The following ADAM12 variants were observed in gnomAD, a reference collection of about 807,000 sequenced individuals.
The protein encoded by ADAM12 is ADAM metallopeptidase domain 12.
A neutral mutation model predicts 106.4 loss-of-function variants in ADAM12; 70 were observed. The observed-to-expected ratio is 0.66, with a 90% confidence interval of 0.54 to 0.80. The LOEUF (loss-of-function observed/expected upper bound fraction) is 0.80. Among genes scored for constraint, ADAM12 ranks in the 30% least tolerant of loss-of-function variants. The pLI is 0.00. For synonymous variants in ADAM12, 420 were observed against 433.5 expected, an observed-to-expected ratio of 0.97 and a Z score of 0.39; for missense variants, 1,010 against 1,171.9, an observed-to-expected ratio of 0.86 and a Z score of 2.02.
At chr10:126,081,380 GA>G (rs71029281) in intron 11 of ADAM12, among the ~76,000 whole-genome samples, 80,756 of 151,948 alleles carry the variant, frequency 0.53, 23,244 homozygotes, top group African/African-American at 0.73. Flanking sequence ...CTGATTGGGG[GA>G]AAAAAACAAA....
intron 5 of ADAM12, among the ~76,000 whole-genome samples, chr10:126,123,636 A>G (rs975027431): frequency 1.3e-5 from 2 of 152,134 alleles, no homozygotes; most frequent in African/African-American, 4.8e-5. Flanking sequence ...CCATGGCTGC[A>G]GCTCCCGCCA....
chr10:126,093,017 G>A (rs568454144), intron 11 of ADAM12, among the ~76,000 whole-genome samples: 5 of 152,324 alleles, frequency 3.3e-5, no homozygotes, highest in Admixed American at 6.5e-5. Context: ...CCCCTGGCCA[G>A]CAAGTCTTCA....
intron 11 of ADAM12, among the ~76,000 whole-genome samples, chr10:126,086,902 G>GT (rs1955368516): frequency 6.6e-6 from 1 of 150,576 alleles, no homozygotes; most frequent in Non-Finnish European, 1.5e-5. Flanking sequence ...GTTTGGTAGT[G>GT]TGCACCTGTA....
rs1049435373 is a variant in ADAM12 at position 126,100,172 on chromosome 10, C to T, written c.911+900G>A. On this transcript the variant is annotated intron_variant, in intron 9 of 22. Transcript: ENST00000448723. ...TGTTGGTCACCACTGTGTTCAAAGC[C>T]CCCCAAACACTCTTTGGTTCCTAAC... Among the ~76,000 whole-genome samples the T allele has an allele frequency of 5.9e-5, 9 of 152,088 alleles. No homozygotes were observed. In the East Asian group the frequency reaches 1.4e-3, roughly 23 times the overall value.
chr10:126,230,563 A>G (rs1958291541), intron 3 of ADAM12, among the ~76,000 whole-genome samples: 1 of 152,178 alleles, frequency 6.6e-6, no homozygotes, highest in African/African-American at 2.4e-5. Flanking sequence ...TCAACACCGA[A>G]TTGTAGTTTT....
intron 3 of ADAM12, among the ~76,000 whole-genome samples, chr10:126,237,959 TA>T: frequency 1.3e-5 from 2 of 152,286 alleles, no homozygotes; most frequent in South Asian, 4.1e-4. Flanking sequence ...TTGTTGAATT[TA>T]GGGATGAATG....
chr10:126,201,801 C>T (rs190618726), intron 3 of ADAM12, among the ~76,000 whole-genome samples: 80 of 152,238 alleles, frequency 5.3e-4, no homozygotes, highest in Non-Finnish European at 1.3e-4. Flanking sequence ...CCCAGAGAAC[C>T]GAGGTGCTCC....
chr10:126,030,656 G>A (rs925261189), intron 21 of ADAM12, among the ~76,000 whole-genome samples: 2 of 152,202 alleles, frequency 1.3e-5, no homozygotes, highest in Non-Finnish European at 2.9e-5. Flanking sequence ...GTTCTGAGAA[G>A]TTCCCTTCAG....
chr10:126,036,416 T>C (rs1358335339), intron 20 of ADAM12, 91 bp from the exon 21 acceptor site: 11 of 1,318,536 alleles, frequency 8.3e-6, no homozygotes, highest in Admixed American at 2.8e-5. Context: ...TCATCTGTTA[T>C]AGCTGAAGGC....
chr10:126,168,701 T>C (rs940383250), intron 3 of ADAM12, among the ~76,000 whole-genome samples: 3 of 152,166 alleles, frequency 2.0e-5, no homozygotes, highest in Non-Finnish European at 4.4e-5. Context: ...ACGGATCATG[T>C]CACTTCTCCA....
rs374442956 is a variant in ADAM12, at chr10:126,095,294, C to CT, written c.997-1162_997-1161insA. On this transcript the variant is annotated intron_variant, in intron 10 of 22. Coordinates refer to ENST00000448723, the MANE Select transcript of ADAM12 (RefSeq NM_001288973.2). ...TCACGCCTGTAATCCCAGCACTTTG[C>CT]GAGGCTGAGGCAGGGGGATCATGAG... Among the ~76,000 whole-genome samples the CT allele has an allele frequency of 9.1e-3, 1,380 of 151,928 alleles. 27 individuals carry two copies. The highest frequency in any genetic ancestry group is 0.032 in the African/African-American group (1,337 of 41,466).
At chr10:126,071,734 ACC>A in intron 11 of ADAM12, 80 bp from the exon 12 acceptor site, 1 of 1,507,904 alleles carries the variant, frequency 6.6e-7, no homozygotes, top group Non-Finnish European at 9.1e-7. Context: ...ACAAGAAGGC[ACC>A]CACTGGCCAC....
intron 3 of ADAM12, among the ~76,000 whole-genome samples, chr10:126,264,381 A>G (rs1375469372): frequency 6.6e-6 from 1 of 152,186 alleles, no homozygotes; most frequent in Non-Finnish European, 1.5e-5. Context: ...TTTCTAAATA[A>G]ATCGTCTCCC....
intron 14 of ADAM12, among the ~76,000 whole-genome samples, chr10:126,061,037 T>A (rs1954745220): frequency 6.6e-6 from 1 of 152,234 alleles, no homozygotes; most frequent in Admixed American, 6.5e-5. Context: ...CTGTTCTGTA[T>A]ACTGGAAATA....
chr10:126,165,478 G>A (rs191070458), intron 3 of ADAM12, among the ~76,000 whole-genome samples: 2 of 152,184 alleles, frequency 1.3e-5, no homozygotes, highest in Non-Finnish European at 2.9e-5. Context: ...CTTTTGATAC[G>A]CACTTCCTTA....
rs527471339 is a variant in ADAM12 at position 126,063,058 on chromosome 10, G to A, written c.1609+1748C>T. ...CAACAGGGTGTCCCCCACTGCTCCT[G>A]CCCCCTGCTTTGCCCAGGGTGCCCC... On this transcript the variant is annotated intron_variant, in intron 14 of 22. Transcript: ENST00000448723. 3.9e-5 allele frequency among the ~76,000 whole-genome samples: 6 copies of A among 152,326 alleles called. No individual in the cohort carries two copies. In the South Asian group the frequency reaches 1.2e-3, roughly 32 times the overall value.
chr10:126,174,301 T>C (rs1209313286), intron 3 of ADAM12, among the ~76,000 whole-genome samples: 1 of 151,998 alleles, frequency 6.6e-6, no homozygotes, highest in Non-Finnish European at 1.5e-5. Flanking sequence ...AATACTTCAT[T>C]GCATATTTCC....
chr10:126,160,039 GA>G (rs1458585485), intron 3 of ADAM12, among the ~76,000 whole-genome samples: 5 of 152,152 alleles, frequency 3.3e-5, no homozygotes, highest in Non-Finnish European at 7.3e-5. Context: ...ATGCAGTCTG[GA>G]AAAGAAATGT....
At chr10:126,352,214 C>T (rs1053356557) in intron 1 of ADAM12, among the ~76,000 whole-genome samples, 3 of 152,248 alleles carry the variant, frequency 2.0e-5, no homozygotes, top group Non-Finnish European at 2.9e-5. Flanking sequence ...GCCACTGGCT[C>T]TCTGCCCTTT....
Sources: gnomAD v4.1 joint callset for allele counts (sites outside exome capture counted in the v4.1 genomes callset) on GRCh38, gnomAD v4.1.1 for gene constraint, MANE v1.5 for transcripts, NCBI Gene and HGNC (gene_info 2026-07-23, HGNC 2026-07-21) for gene names.